The following WDR25 variants were observed in gnomAD, a reference collection of about 807,000 sequenced individuals.
WDR25 encodes the protein WD repeat-containing protein 25.
A neutral mutation model predicts 47.7 loss-of-function variants in WDR25; 35 were observed. That is an observed-to-expected ratio of 0.73 (90% CI 0.56 to 0.97). The LOEUF (loss-of-function observed/expected upper bound fraction) is 0.97, where lower values mean the gene tolerates loss of function less well. Ranked by LOEUF, WDR25 falls within the 50% of genes least tolerant of loss-of-function variation. WDR25 has a pLI of 0.00. For synonymous variants in WDR25, 248 were observed against 278.9 expected, an observed-to-expected ratio of 0.89 and a Z score of 1.10; for missense variants, 634 against 704.7, an observed-to-expected ratio of 0.90 and a Z score of 1.14.
In WDR25 at chr14:100,440,602, G is replaced by T. The variant is rs1566910802; in HGVS notation, c.823-27419G>T. On this transcript the variant is annotated intron_variant, in intron 2 of 6. Transcript: ENST00000402312. The surrounding 1 kb of genome is among the most constrained non-coding windows in gnomAD (Gnocchi z 4.4). Reference sequence around the variant, plus strand: ...GCTTTGTCCATGTGGAAGGAGCCCAGGCTGCCCTGGCTGCTATACGCATCC... The same window carrying T: ...GCTTTGTCCATGTGGAAGGAGCCCATGCTGCCCTGGCTGCTATACGCATCC... Among the ~76,000 whole-genome samples, 1 of 152,234 alleles carries T rather than the reference G, an allele frequency of 6.6e-6. No individual in the cohort carries two copies. Among genetic ancestry groups the T allele is most frequent in the Non-Finnish European group, 1.5e-5 (1 of 68,046 alleles).
chr14:100,494,978 A>AAAACAAAC (rs762461864), intron 4 of WDR25, among the ~76,000 whole-genome samples: 3 of 152,068 alleles, frequency 2.0e-5, no homozygotes. Context: ...TGACTCTACA[A>AAAACAAAC]AAACAAACAA....
At chr14:100,400,443 G>T (rs1340416739) in intron 2 of WDR25, among the ~76,000 whole-genome samples, 4 of 152,178 alleles carry the variant, frequency 2.6e-5, no homozygotes, top group Non-Finnish European at 5.9e-5. Context: ...TTGGAGTTTT[G>T]CCATTCAGCC....
chr14:100,500,054 C>G lies in WDR25; in HGVS notation c.1101+15930C>G, dbSNP rs1170195996. Among the ~76,000 whole-genome samples, 3 of 152,110 alleles carry G rather than the reference C, an allele frequency of 2.0e-5. No individual in the cohort carries two copies. Among genetic ancestry groups the G allele is most frequent in the Non-Finnish European group, 2.9e-5 (2 of 68,010 alleles). ...CCTGGCCCCGCTCCACCCAGAGGTT[C>G]CCTGGGACCTGGTTGCTGTCTTCCT... On this transcript the variant is annotated intron_variant, in intron 4 of 6. Transcript: ENST00000402312. The surrounding 1 kb of genome is among the most constrained non-coding windows in gnomAD (Gnocchi z 4.7).
chr14:100,511,571 C>G (rs1901313111), intron 4 of WDR25, among the ~76,000 whole-genome samples: 1 of 152,018 alleles, frequency 6.6e-6, no homozygotes, highest in Non-Finnish European at 1.5e-5. Context: ...TCCCTCCCTT[C>G]CTCCTTTTCT....
intron 3 of WDR25, among the ~76,000 whole-genome samples, chr14:100,472,909 C>T (rs1315857378): frequency 6.6e-6 from 1 of 152,268 alleles, no homozygotes; most frequent in African/African-American, 2.4e-5. Context: ...TGCCCACAGC[C>T]TGCAGCTCTG....
At chr14:100,464,152 C>T (rs561782922) in intron 2 of WDR25, among the ~76,000 whole-genome samples, 1 of 152,198 alleles carries the variant, frequency 6.6e-6, no homozygotes, top group Non-Finnish European at 1.5e-5. Context: ...GCCTTGCTCA[C>T]TTCTCTAGCT....
intron 2 of WDR25, among the ~76,000 whole-genome samples, chr14:100,397,341 C>T (rs1897283153): frequency 6.6e-6 from 1 of 152,252 alleles, no homozygotes; most frequent in Non-Finnish European, 1.5e-5. Flanking sequence ...TCCTTCACTT[C>T]TTACAAATGG....
intron 4 of WDR25, among the ~76,000 whole-genome samples, chr14:100,505,438 A>G (rs189268160): frequency 2.6e-5 from 4 of 152,270 alleles, no homozygotes; most frequent in Admixed American, 2.6e-4. Flanking sequence ...TGTTCTATTG[A>G]TTGATGTGTC....
chr14:100,528,030 C>T (rs1439260094), intron 5 of WDR25, among the ~76,000 whole-genome samples: 1 of 152,120 alleles, frequency 6.6e-6, no homozygotes, highest in Non-Finnish European at 1.5e-5. Flanking sequence ...CACTTACCTC[C>T]TCACTTACTG....
chr14:100,497,593 A>G (rs1900776512), intron 4 of WDR25, among the ~76,000 whole-genome samples: 1 of 152,218 alleles, frequency 6.6e-6, no homozygotes, highest in Non-Finnish European at 1.5e-5. Context: ...TTACTTTTCG[A>G]GTCCTCAGGG....
At chr14:100,457,937 T>C (rs1312638707) in intron 2 of WDR25, among the ~76,000 whole-genome samples, 2 of 152,050 alleles carry the variant, frequency 1.3e-5, no homozygotes, top group East Asian at 1.9e-4. Context: ...TGGTTATAAG[T>C]CTAACAATGG....
At chr14:100,377,546 G>A (rs1896740404) in intron 1 of WDR25, among the ~76,000 whole-genome samples, 2 of 151,996 alleles carry the variant, frequency 1.3e-5, no homozygotes, top group African/African-American at 4.8e-5. Flanking sequence ...CCGACCTCAG[G>A]TAATCCGCCC....
rs778547060 is a variant in WDR25 at position 100,502,859 on chromosome 14, G to A, written c.1101+18735G>A. 1.3e-5 allele frequency among the ~76,000 whole-genome samples: 2 copies of A among 152,158 alleles called. No individual in the cohort carries two copies. The highest frequency in any genetic ancestry group is 4.8e-5 in the African/African-American group (2 of 41,422). On this transcript the variant is annotated intron_variant, in intron 4 of 6. Transcript: ENST00000402312. The surrounding 1 kb of genome is among the most constrained non-coding windows in gnomAD (Gnocchi z 4.5). ...TCAAGGTAGGGTATTTTAGGCATAA[G>A]GAATGTATAAAGGCACGTAGGCACT...
At chr14:100,515,593 A>G (rs1165229875) in intron 4 of WDR25, among the ~76,000 whole-genome samples, 5 of 152,134 alleles carry the variant, frequency 3.3e-5, no homozygotes, top group Non-Finnish European at 7.3e-5. Flanking sequence ...AGCATACAGT[A>G]TATAGTCATA....
At chr14:100,465,357 C>A (rs1899594191) in intron 2 of WDR25, among the ~76,000 whole-genome samples, 1 of 152,150 alleles carries the variant, frequency 6.6e-6, no homozygotes, top group South Asian at 2.1e-4. Context: ...TAAACAACTC[C>A]CCATTCCCCC....
intron 3 of WDR25, among the ~76,000 whole-genome samples, chr14:100,482,133 T>C (rs1371394449): frequency 6.6e-6 from 1 of 151,522 alleles, no homozygotes; most frequent in East Asian, 1.9e-4. Flanking sequence ...GTGGTGAATA[T>C]CTTCCATCTA....
At chr14:100,457,444 A>G (rs1200649676) in intron 2 of WDR25, among the ~76,000 whole-genome samples, 1 of 152,210 alleles carries the variant, frequency 6.6e-6, no homozygotes, top group African/African-American at 2.4e-5. Flanking sequence ...ACCACTGTCA[A>G]CCCCAAATTT....
chr14:100,386,671 AT>A (rs1176123032), intron 2 of WDR25, among the ~76,000 whole-genome samples: 1 of 152,148 alleles, frequency 6.6e-6, no homozygotes, highest in Non-Finnish European at 1.5e-5. Flanking sequence ...AGGCAGGCGG[AT>A]CACGAGGTCA....
At chr14:100,448,581 C>T (rs1898918120) in intron 2 of WDR25, among the ~76,000 whole-genome samples, 2 of 152,190 alleles carry the variant, frequency 1.3e-5, no homozygotes, top group Non-Finnish European at 2.9e-5. Flanking sequence ...CCCAGTTACA[C>T]TATCTCAGAG....
Sources: allele counts gnomAD v4.1 joint callset (sites outside exome capture counted in the v4.1 genomes callset), GRCh38; gene constraint gnomAD v4.1.1; non-coding constraint Gnocchi (gnomAD v3.1); transcripts MANE v1.5; gene names NCBI Gene and HGNC (gene_info 2026-07-23, HGNC 2026-07-21).